Variants in GBP6 observed in about 807,000 individuals in gnomAD.
GBP6 encodes guanylate binding protein family member 6, also known as guanylate-binding protein 6.
In GBP6, 54 loss-of-function variants were observed where a neutral mutation model predicts 61.5. The observed-to-expected ratio is 0.88, with a 90% CI of 0.71 to 1.10. The LOEUF is 1.10. GBP6 is among the 50% of genes least tolerant of loss of function. The pLI, the probability that GBP6 is intolerant of heterozygous loss-of-function variation, is 0.00. For synonymous variants in GBP6, 255 were observed against 273.7 expected (o/e 0.93, Z 0.67); for missense variants, 748 against 752.8 (o/e 0.99, Z 0.07).
chr1:89,366,323 C>CAG (rs1652465998), intron 1 of GBP6, among the ~76,000 whole-genome samples: 1 of 152,110 alleles, frequency 6.6e-6, no homozygotes, highest in South Asian at 2.1e-4. Context: ...TTCTAGGCTA[C>CAG]GTATTTCAGC....
intron 7 of GBP6, 115 bp from the exon 8 acceptor site, chr1:89,382,549 A>C (rs1047839460): frequency 3.7e-5 from 28 of 763,824 alleles, no homozygotes; most frequent in Non-Finnish European, 5.2e-5. Flanking sequence ...CATCTACTCC[A>C]CTAGAATGTT....
At chr1:89,369,300 C>A (rs1317217278) in intron 2 of GBP6, among the ~76,000 whole-genome samples, 5 of 152,172 alleles carry the variant, frequency 3.3e-5, no homozygotes, top group Admixed American at 3.3e-4. Flanking sequence ...CAGTGACCTC[C>A]TCTTTGTCTG....
At chr1:89,366,276 T>C (rs1180087762) in intron 1 of GBP6, among the ~76,000 whole-genome samples, 2 of 152,316 alleles carry the variant, frequency 1.3e-5, no homozygotes. Flanking sequence ...TTTTTCTTAT[T>C]CTTGTCTGTG....
chr1:89,378,708 C>G (rs978581172), intron 5 of GBP6, 95 bp downstream of exon 5: 15 of 998,548 alleles, frequency 1.5e-5, no homozygotes, highest in East Asian at 2.4e-5. Context: ...GTATTTGAGA[C>G]TAGATTGAGG....
intron 2 of GBP6, 55 bp downstream of exon 2, chr1:89,368,796 T>G: frequency 6.6e-7 from 1 of 1,513,700 alleles, no homozygotes; most frequent in Admixed American, 1.8e-5. Context: ...ATATCTCAGC[T>G]TCTTGATTCT....
At position 89,380,398 on chromosome 1, in the gene GBP6, G is replaced by C. The variant is rs151113152; in HGVS notation, c.638G>C (p.Arg213Thr). 1 of 1,613,296 alleles carries C rather than the reference G, an allele frequency of 6.2e-7. No individual in the cohort carries two copies. Among genetic ancestry groups the C allele is most frequent in the African/African-American group, 1.3e-5 (1 of 74,792 alleles). ...ALKLIQGNNPRVQTSNFPREC... is the reference protein window; with the variant it reads ...ALKLIQGNNPTVQTSNFPREC... ...TTTTATCCCTCAGGCAATAATCCCA[G>C]AGTTCAAACATCCAATTTTCCCAGG... Residue 213 changes from arginine to threonine, a missense_variant, in exon 6 of 11, where the codon AGA becomes ACA. Coordinates refer to ENST00000370456, the MANE Select transcript of GBP6 (RefSeq NM_198460.3).
intron 2 of GBP6, among the ~76,000 whole-genome samples, chr1:89,369,078 A>C (rs1652546609): frequency 6.6e-6 from 1 of 152,180 alleles, no homozygotes; most frequent in South Asian, 2.1e-4. Context: ...AGATGTTTTA[A>C]TCTATGTAAT....
intron 7 of GBP6, 130 bp downstream of exon 7, chr1:89,382,104 A>G (rs538920986): frequency 4.3e-6 from 4 of 929,858 alleles, no homozygotes; most frequent in South Asian, 1.8e-5. Flanking sequence ...TGAGGGATAG[A>G]GTTTCAAAAG....
At chr1:89,371,818 A>C (rs1234569358) in intron 3 of GBP6, among the ~76,000 whole-genome samples, 9 of 152,344 alleles carry the variant, frequency 5.9e-5, no homozygotes, top group South Asian at 2.1e-4. Flanking sequence ...GGCCAGGGCA[A>C]TAAGGCAGGA....
Position 89,364,647 on chromosome 1 carries a change from A to G in GBP6, c.-24+520A>G, listed in dbSNP as rs1383390558. ...TGTGCGTGTGTGTGTGTGTGTGTGTATGTGTGTGTGGGGAGGGGGTGGGGG... is the reference window on the plus strand; with the variant it reads ...TGTGCGTGTGTGTGTGTGTGTGTGTGTGTGTGTGTGGGGAGGGGGTGGGGG... On this transcript the variant is annotated intron_variant, in intron 1 of 10. Transcript: ENST00000370456. 5.9e-3 allele frequency among the ~76,000 whole-genome samples: 565 copies of G among 95,254 alleles called. 3 individuals are homozygous for G. Among genetic ancestry groups the G allele is most frequent in the African/African-American group, 0.022 (527 of 24,112 alleles). The allele number at this position is 95,254 out of a possible 152,430, so 62.5% of individuals were successfully genotyped here.
Position 89,386,489 on chromosome 1 carries a change from G to A in GBP6, c.*1020G>A, listed in dbSNP as rs1653149095. On this transcript the variant is annotated 3_prime_UTR_variant, in exon 11 of 11. Transcript: ENST00000370456. ...TGATGAAATTCCTTGTTGCTTCTAG[G>A]AATTACATCAGCCAGCCCAATGAGG... 3 of 152,150 alleles carry A rather than the reference G, an allele frequency of 2.0e-5. No homozygotes were observed. Among genetic ancestry groups the A allele is most frequent in the Admixed American group, 1.3e-4 (2 of 15,274 alleles). 9.4% of individuals were successfully genotyped at this position (152,150 alleles called of 1,614,324 possible).
chr1:89,380,508 G>A lies in GBP6; in HGVS notation c.748G>A (p.Glu250Lys). The change falls in exon 6 of 11, where the codon GAG becomes AAG. Residue 250 changes from glutamate (E) to lysine (K), a missense_variant. Transcript: ENST00000370456. ...TNDKDLLANIEKVSEKQLDPK... is the reference protein window; with the variant it reads ...TNDKDLLANIKKVSEKQLDPK... ...TGACAAAGACCTTCTAGCCAATATTGAGAAGGTGTCAGAAAAGCAACTGGA... is the reference window on the plus strand; with the variant it reads ...TGACAAAGACCTTCTAGCCAATATTAAGAAGGTGTCAGAAAAGCAACTGGA... The A allele has an allele frequency of 6.2e-7, 1 of 1,614,088 alleles. No homozygotes were observed. The highest frequency in any genetic ancestry group is 8.5e-7 in the Non-Finnish European group (1 of 1,180,012).
intron 1 of GBP6, among the ~76,000 whole-genome samples, chr1:89,368,088 CCTG>C (rs1283834343): frequency 6.6e-6 from 1 of 152,102 alleles, no homozygotes; most frequent in Non-Finnish European, 1.5e-5. Flanking sequence ...AACTTCCTAG[CCTG>C]CTATTTTAAT....
In GBP6 at chr1:89,369,601, C is replaced by T. The variant is rs778373002; in HGVS notation, c.246C>T (p.Cys82=). ...QSETKGIWMW[C]VPHPSKPNHT... ...AAACCAAGGGCATCTGGATGTGGTG[C>T]GTGCCCCACCCATCCAAGCCAAACC... Residue 82 remains cysteine, a synonymous_variant, in exon 3 of 11, where the codon TGC becomes TGT. Transcript: ENST00000370456. 1.7e-5 allele frequency: 28 copies of T among 1,613,954 alleles called. No individual in the cohort carries two copies. Among genetic ancestry groups the T allele is most frequent in the Non-Finnish European group, 2.0e-5 (24 of 1,179,952 alleles).
Position 89,378,481 on chromosome 1 carries a change from G to T in GBP6, c.493G>T (p.Asp165Tyr). 6.2e-7 allele frequency: 1 copy of T among 1,614,182 alleles called. No individual in the cohort carries two copies. Among genetic ancestry groups the T allele is most frequent in the East Asian group, 2.2e-5 (1 of 44,888 alleles). The change falls in exon 5 of 11, where the codon GAT (aspartate) becomes TAT (tyrosine). Residue 165 changes from aspartate to tyrosine, a missense_variant. Physicochemically the swap from Asp to Tyr is radical, Grantham distance 160. Transcript: ENST00000370456. Reference sequence around the variant, plus strand: ...CTCCCCAAGGCCTGATGGAGTAGAAGATTCCACAGAGTTTGTGAGTTTCTT... The same window carrying T: ...CTCCCCAAGGCCTGATGGAGTAGAATATTCCACAGAGTTTGTGAGTTTCTT... ...KSSPRPDGVE[D>Y]STEFVSFFPD...
intron 5 of GBP6, among the ~76,000 whole-genome samples, chr1:89,379,959 G>A (rs1652917708): frequency 6.6e-6 from 1 of 152,146 alleles, no homozygotes. Context: ...GCAACATAGT[G>A]AGACCCTGTC....
intron 3 of GBP6, among the ~76,000 whole-genome samples, chr1:89,375,463 G>A (rs751648416): frequency 6.6e-6 from 1 of 152,152 alleles, no homozygotes; most frequent in African/African-American, 2.4e-5. Context: ...TCCTCAGAGA[G>A]CTAAAGACAG....
chr1:89,378,412 C>A lies in GBP6; in HGVS notation c.429-5C>A, dbSNP rs777106419. The A allele has an allele frequency of 5.6e-6, 9 of 1,612,056 alleles. No individual in the cohort carries two copies. In the South Asian group the frequency reaches 9.9e-5, roughly 18 times the overall value. ...GACAGTTGCTTTTCCTTACCTAAGT[C>A]CTAGTTATGTGACGGAGCTCACAGA... On this transcript the variant is annotated splice_region_variant and splice_polypyrimidine_tract_variant and intron_variant, in intron 4 of 10. Transcript: ENST00000370456.
chr1:89,385,613 A>T lies in GBP6; in HGVS notation c.*144A>T. 2.8e-6 allele frequency: 2 copies of T among 719,502 alleles called. No homozygotes were observed. The highest frequency in any genetic ancestry group is 3.1e-5 in the Admixed American group (1 of 32,416). 44.6% of individuals were successfully genotyped at this position (719,502 alleles called of 1,614,324 possible). A position where few individuals can be genotyped will look rare whatever the true frequency, so the allele number is the denominator to read the frequency against. On this transcript the variant is annotated 3_prime_UTR_variant, in exon 11 of 11. Coordinates refer to ENST00000370456, the MANE Select transcript of GBP6 (RefSeq NM_198460.3). ...CAGTGGTGCAATCTCAGCTCACTGC[A>T]ACCTCTGCCTCCTGGGTTCAAGAGA...
Sources: allele counts gnomAD v4.1 joint callset (sites outside exome capture counted in the v4.1 genomes callset), GRCh38; gene constraint gnomAD v4.1.1; transcripts MANE v1.5; gene names NCBI Gene and HGNC (gene_info 2026-07-23, HGNC 2026-07-21).